The following KAZN variants were observed in gnomAD, a reference collection of about 807,000 sequenced individuals.
KAZN encodes kazrin.
In KAZN, 40 loss-of-function variants were observed where a neutral mutation model predicts 87.4. The ratio of observed to expected loss-of-function variants is 0.46; its 90% CI spans 0.36 to 0.60. The LOEUF (loss-of-function observed/expected upper bound fraction) is 0.60. Ranked by LOEUF, KAZN falls within the 20% of genes least tolerant of loss-of-function variation. The pLI, the probability that KAZN is intolerant of heterozygous loss-of-function variation, is 0.00. For missense variants in KAZN, 898 were observed against 1,073.9 expected, an observed-to-expected ratio of 0.84 and a Z score of 2.29; for synonymous variants, 466 against 458.3, an observed-to-expected ratio of 1.02 and a Z score of -0.22.
In KAZN at chr1:14,064,086, T is replaced by G. The variant is rs1570649117; in HGVS notation, c.92-116349T>G. Among the ~76,000 whole-genome samples the G allele has an allele frequency of 2.0e-5, 3 of 152,212 alleles. No individual in the cohort carries two copies. The East Asian group carries it at 5.8e-4, about 29-fold the overall frequency. On this transcript the variant is annotated intron_variant, in intron 1 of 16. Transcript: ENST00000636203. ...ACCTGCCACTCTGCCTGGCTAATTC[T>G]TTTGTATTTTTAGTAGAGATGGGGT...
intron 2 of KAZN, among the ~76,000 whole-genome samples, chr1:14,376,131 G>A (rs1660899663): frequency 6.6e-6 from 1 of 152,114 alleles, no homozygotes; most frequent in Non-Finnish European, 1.5e-5. Flanking sequence ...AATACCAACT[G>A]ATTTCCCATT....
At chr1:14,640,165 A>C (rs1680312229) in intron 1 of KAZN, among the ~76,000 whole-genome samples, 1 of 152,216 alleles carries the variant, frequency 6.6e-6, no homozygotes, top group Non-Finnish European at 1.5e-5. Context: ...TATTTTAGAT[A>C]ATAAAGCTCA....
At chr1:14,468,185 G>A (rs1668266589) in intron 2 of KAZN, among the ~76,000 whole-genome samples, 2 of 152,148 alleles carry the variant, frequency 1.3e-5, no homozygotes, top group South Asian at 2.1e-4. Flanking sequence ...TCTATGAGGT[G>A]TTCAAACGTT....
intron 2 of KAZN, among the ~76,000 whole-genome samples, chr1:15,023,511 A>G (rs994648600): frequency 2.0e-5 from 3 of 151,998 alleles, no homozygotes; most frequent in Non-Finnish European, 4.4e-5. Flanking sequence ...GACAGCCAGG[A>G]GGCCAGGGCA....
At chr1:14,200,907 C>G (rs1646625976) in intron 2 of KAZN, among the ~76,000 whole-genome samples, 1 of 151,960 alleles carries the variant, frequency 6.6e-6, no homozygotes, top group Non-Finnish European at 1.5e-5. Context: ...CTGGCTGGCT[C>G]CATGGAGGAC....
intron 1 of KAZN, among the ~76,000 whole-genome samples, chr1:14,039,781 G>A (rs1641719676): frequency 6.6e-6 from 1 of 152,088 alleles, no homozygotes; most frequent in African/African-American, 2.4e-5. Flanking sequence ...TATGCTGGGC[G>A]ACCTCTCCAG....
At chr1:14,838,436 A>G (rs1647536532) in intron 1 of KAZN, among the ~76,000 whole-genome samples, 1 of 152,214 alleles carries the variant, frequency 6.6e-6, no homozygotes, top group Non-Finnish European at 1.5e-5. Flanking sequence ...TGAACTGGAA[A>G]GTCCAAACCT....
chr1:13,924,781 C>T (rs1200835989), intron 1 of KAZN, among the ~76,000 whole-genome samples: 1 of 152,176 alleles, frequency 6.6e-6, no homozygotes, highest in Non-Finnish European at 1.5e-5. Context: ...CTTATTTTTC[C>T]CCAAAATGTA....
intron 2 of KAZN, among the ~76,000 whole-genome samples, chr1:14,346,818 A>G (rs1658141290): frequency 6.6e-6 from 1 of 152,200 alleles, no homozygotes; most frequent in African/African-American, 2.4e-5. Flanking sequence ...AACAATTAGA[A>G]AACAATTAAA....
chr1:14,910,938 G>T (rs1657178089), intron 1 of KAZN, among the ~76,000 whole-genome samples: 1 of 152,194 alleles, frequency 6.6e-6, no homozygotes, highest in South Asian at 2.1e-4. Flanking sequence ...CCAAATGTGG[G>T]CTACTGGCTG....
At chr1:14,430,316 T>G (rs1382525671) in intron 2 of KAZN, among the ~76,000 whole-genome samples, 2 of 152,020 alleles carry the variant, frequency 1.3e-5, no homozygotes, top group Admixed American at 1.3e-4. Context: ...GCTGTGTGTG[T>G]GTTGAGCCCT....
In KAZN at chr1:14,280,090, C is replaced by T. The variant is rs142736803; in HGVS notation, c.249+99498C>T. 8.7e-4 allele frequency among the ~76,000 whole-genome samples: 133 copies of T among 152,178 alleles called. 6 individuals carry two copies. The East Asian group carries it at 0.015, about 17-fold the overall frequency. On this transcript the variant is annotated intron_variant, in intron 2 of 16. Coordinates refer to the KAZN transcript ENST00000636203. ...GTTAAGATGAGGTTGCGGCCGGGCG[C>T]GGTGGCTCACACCTGTAATCCCAGC... is the stretch of plus-strand genomic sequence containing the variant.
At chr1:14,977,137 G>T (rs1469423608) in intron 2 of KAZN, among the ~76,000 whole-genome samples, 1 of 152,220 alleles carries the variant, frequency 6.6e-6, no homozygotes, top group Non-Finnish European at 1.5e-5. Flanking sequence ...AGTCCTCGGG[G>T]CGGTGATTCC....
At chr1:15,024,630 G>A (rs1392629090) in intron 2 of KAZN, among the ~76,000 whole-genome samples, 10 of 152,252 alleles carry the variant, frequency 6.6e-5, no homozygotes, top group Non-Finnish European at 1.5e-4. Flanking sequence ...GGAAGGCACA[G>A]CAGCAGCCAG....
intron 3 of KAZN, among the ~76,000 whole-genome samples, chr1:15,038,414 A>G (rs1329520542): frequency 6.6e-6 from 1 of 152,084 alleles, no homozygotes; most frequent in African/African-American, 2.4e-5. Context: ...ACACAGTATT[A>G]CCTATAGCAA....
At position 14,923,513 on chromosome 1, in the gene KAZN, T is replaced by C. The variant is rs1572839831; in HGVS notation, c.227-37171T>C. On this transcript the variant is annotated intron_variant, in intron 1 of 14. Transcript: ENST00000376030. This position sits in a 1 kb window ranked among gnomAD's most constrained non-coding sequence, Gnocchi z 4.2. ...GCCAATGGCTGCCATAGTTGGAGAG[T>C]TCATGGGCAGCACTGATAATGGACA... Among the ~76,000 whole-genome samples, 2 of 151,800 alleles carry C rather than the reference T, an allele frequency of 1.3e-5. No individual in the cohort carries two copies. Among genetic ancestry groups the C allele is most frequent in the Admixed American group, 6.6e-5 (1 of 15,246 alleles).
intron 1 of KAZN, among the ~76,000 whole-genome samples, chr1:14,852,254 T>C (rs1649540234): frequency 6.6e-6 from 1 of 152,180 alleles, no homozygotes; most frequent in Admixed American, 6.5e-5. Flanking sequence ...TGGGCTTTCC[T>C]GGGGCCTCAG....
At chr1:14,218,402 A>G (rs1003731292) in intron 2 of KAZN, among the ~76,000 whole-genome samples, 2 of 152,140 alleles carry the variant, frequency 1.3e-5, no homozygotes, top group Non-Finnish European at 2.9e-5. Flanking sequence ...TTGAAATACT[A>G]TTTCCCACTA....
At chr1:14,912,162 AAAAAAGG>A (rs1262988586) in intron 1 of KAZN, among the ~76,000 whole-genome samples, 4 of 151,444 alleles carry the variant, frequency 2.6e-5, no homozygotes, top group Non-Finnish European at 5.9e-5. Context: ...AAAAAAAAAA[AAAAAAGG>A]AAAGGAAAAG....
Sources: allele counts gnomAD v4.1 joint callset (sites outside exome capture counted in the v4.1 genomes callset), GRCh38; gene constraint gnomAD v4.1.1; non-coding constraint Gnocchi (gnomAD v3.1); transcripts MANE v1.5; gene names NCBI Gene and HGNC (gene_info 2026-07-23, HGNC 2026-07-21).